Variants in SAMHD1 observed in about 807,000 individuals in gnomAD.
The protein encoded by SAMHD1 is deoxynucleoside triphosphate triphosphohydrolase SAMHD1.
A neutral mutation model predicts 79.6 loss-of-function variants in SAMHD1; 54 were observed. That is an observed-to-expected ratio of 0.68 (90% CI 0.55 to 0.85). SAMHD1 has a LOEUF of 0.85. Ranked by LOEUF, SAMHD1 falls within the 40% of genes least tolerant of loss-of-function variation. The pLI is 0.00. For missense variants in SAMHD1, 663 were observed against 782.7 expected, an observed-to-expected ratio of 0.85 and a Z score of 1.82; for synonymous variants, 260 against 264.1, an observed-to-expected ratio of 0.98 and a Z score of 0.15.
chr20:36,935,089 A>C lies in SAMHD1; in HGVS notation c.449T>G (p.Leu150Arg). The C allele has an allele frequency of 6.2e-7, 1 of 1,614,128 alleles. No homozygotes were observed. The highest frequency in any genetic ancestry group is 8.5e-7 in the Non-Finnish European group (1 of 1,180,002). The stretch of plus-strand genomic sequence containing the variant: ...TGGAAAAACATAGTAACCACCTCCC[A>C]GCTGTTTGATGTATCGAAGACGTTG... The part of the protein sequence containing the change: ...QFQRLRYIKQ[L>R]GGGYYVFPGA... The change falls in exon 4 of 16, where the codon CTG becomes CGG. Residue 150 changes from leucine (L) to arginine (R), a missense_variant. Leu to Arg is a moderately radical substitution (Grantham distance 102, BLOSUM62 -2). Coordinates refer to ENST00000646673, the MANE Select transcript of SAMHD1 (RefSeq NM_015474.4).
chr20:36,905,357 A>T lies in SAMHD1; in HGVS notation c.1410+7T>A. ...TTTCACTAATGGAAAGATGCCTGAT[A>T]ACTCACCCTTTTAATCTTTATTTGT... On this transcript the variant is annotated splice_region_variant and intron_variant, in intron 12 of 15. Transcript: ENST00000646673. The T allele has an allele frequency of 6.2e-7, 1 of 1,614,028 alleles. No homozygotes were observed. Among genetic ancestry groups the T allele is most frequent in the South Asian group, 1.1e-5 (1 of 91,082 alleles).
At chr20:36,899,359 C>T (rs898297192) in intron 13 of SAMHD1, among the ~76,000 whole-genome samples, 1 of 151,336 alleles carries the variant, frequency 6.6e-6, no homozygotes, top group Admixed American at 6.6e-5. Flanking sequence ...ACCTGGCAGG[C>T]GGAGGTTGCA....
At chr20:36,911,506 A>C in intron 10 of SAMHD1, 173 bp from the exon 11 acceptor site, 1 of 611,036 alleles carries the variant, frequency 1.6e-6, no homozygotes, top group Admixed American at 2.5e-5. Context: ...GTGAGCTGCC[A>C]TGCTTACTGT....
At chr20:36,903,540 T>TCC (rs1298093437) in intron 13 of SAMHD1, among the ~76,000 whole-genome samples, 1 of 122,034 alleles carries the variant, frequency 8.2e-6, no homozygotes, top group Non-Finnish European at 1.7e-5. Flanking sequence ...TGCCCAGCAA[T>TCC]TTTTTTTTTC....
intron 11 of SAMHD1, among the ~76,000 whole-genome samples, chr20:36,910,452 G>A (rs1267378983): frequency 6.6e-6 from 1 of 151,688 alleles, no homozygotes; most frequent in East Asian, 1.9e-4. Context: ...ATAATGGGCC[G>A]GGCGTAGTGG....
chr20:36,936,406 A>G (rs1464499137), intron 3 of SAMHD1, among the ~76,000 whole-genome samples: 6 of 152,012 alleles, frequency 3.9e-5, no homozygotes, highest in Non-Finnish European at 8.8e-5. Flanking sequence ...CTGTAGCCTC[A>G]AACTCCTAGG....
At chr20:36,939,130 T>C (rs1215766113) in intron 3 of SAMHD1, among the ~76,000 whole-genome samples, 7 of 134,466 alleles carry the variant, frequency 5.2e-5, no homozygotes, top group African/African-American at 1.4e-4. Flanking sequence ...GGCAGGTGCC[T>C]GTAATCCCAG....
intron 5 of SAMHD1, among the ~76,000 whole-genome samples, chr20:36,927,983 C>CTTGTT (rs2146128661): frequency 1.3e-5 from 2 of 152,322 alleles, no homozygotes; most frequent in African/African-American, 4.8e-5. Flanking sequence ...TGCACCACCA[C>CTTGTT]ACAGGGCTTG....
chr20:36,932,580 G>T (rs2063575242), intron 4 of SAMHD1, among the ~76,000 whole-genome samples: 1 of 150,678 alleles, frequency 6.6e-6, no homozygotes, highest in Non-Finnish European at 1.5e-5. Context: ...ACCATGCCCG[G>T]CTGGTTTTGT....
chr20:36,891,118 C>T lies in SAMHD1; in HGVS notation c.*1814G>A, dbSNP rs910888042. ...GACCTCACTTGTGCGTTGCTGAGCC[C>T]ATATGTGAACAAATCCCCTTGATAC... is the stretch of plus-strand genomic sequence containing the variant. On this transcript the variant is annotated 3_prime_UTR_variant, in exon 16 of 16. Transcript: ENST00000646673. 6.6e-6 allele frequency: 1 copy of T among 152,188 alleles called. No individual in the cohort carries two copies. The highest frequency in any genetic ancestry group is 1.9e-4 in the East Asian group (1 of 5,198). The allele number at this position is 152,188 out of a possible 1,614,324, so 9.4% of individuals were successfully genotyped here. A position where few individuals can be genotyped will look rare whatever the true frequency, so the allele number is the denominator to read the frequency against.
chr20:36,946,790 C>T lies in SAMHD1; in HGVS notation c.223G>A (p.Gly75Ser). 5.0e-6 allele frequency: 8 copies of T among 1,612,562 alleles called. No homozygotes were observed. Among genetic ancestry groups the T allele is most frequent in the Non-Finnish European group, 6.8e-6 (8 of 1,178,954 alleles). ...LKNIRENEIT[G>S]ALLPCLDESR... ...TCATCAAGACAAGGCAGTAATGCGC[C>T]TGTGATTTCATTTTCTATGGAAGAA... is the stretch of plus-strand genomic sequence containing the variant. Residue 75 changes from glycine to serine, a missense_variant, in exon 2 of 16, where the codon GGC becomes AGC. Gly to Ser is a moderately conservative substitution (Grantham distance 56). Coordinates refer to ENST00000646673, the MANE Select transcript of SAMHD1 (RefSeq NM_015474.4).
chr20:36,925,635 C>T (rs1256541375), intron 6 of SAMHD1, among the ~76,000 whole-genome samples: 10 of 152,204 alleles, frequency 6.6e-5, no homozygotes, highest in Admixed American at 6.5e-4. Flanking sequence ...AGAATTCCTA[C>T]AACTCAGTAA....
intron 15 of SAMHD1, among the ~76,000 whole-genome samples, chr20:36,895,645 T>C (rs574120787): frequency 6.6e-6 from 1 of 152,068 alleles, no homozygotes; most frequent in South Asian, 2.1e-4. Context: ...ACCAAATTTA[T>C]AGTAGTTATC....
intron 1 of SAMHD1, among the ~76,000 whole-genome samples, chr20:36,948,308 A>G (rs1474407442): frequency 6.6e-6 from 1 of 151,864 alleles, no homozygotes; most frequent in African/African-American, 2.4e-5. Flanking sequence ...GCTGGAGTGC[A>G]GTGGCGGGAT....
chr20:36,951,349 T>G, intron 1 of SAMHD1, 87 bp downstream of exon 1: 1 of 1,579,148 alleles, frequency 6.3e-7, no homozygotes, highest in South Asian at 1.1e-5. Flanking sequence ...TCGGCCTCGG[T>G]CCTCTCGTGG....
chr20:36,892,633 A>G lies in SAMHD1; in HGVS notation c.*299T>C, dbSNP rs1990104192. The G allele has an allele frequency of 1.0e-5, 4 of 395,396 alleles. No homozygotes were observed. In the East Asian group the frequency reaches 2.3e-4, roughly 23 times the overall value. The allele number at this position is 395,396 out of a possible 1,614,324, so 24.5% of individuals were successfully genotyped here. A position where few individuals can be genotyped will look rare whatever the true frequency, so the allele number is the denominator to read the frequency against. On this transcript the variant is annotated 3_prime_UTR_variant, in exon 16 of 16. Transcript: ENST00000646673. The stretch of plus-strand genomic sequence containing the variant: ...CAGAGCAAAACCTTGTCTCTTAAAA[A>G]AGAAAAAAAATAGAGTTCAGAATAG...
In SAMHD1 at chr20:36,910,957, C is replaced by T. The variant is rs188875599; in HGVS notation, c.1270+261G>A. ...CAAAAGGAGATAATTACTTGGGAAG[C>T]TAAAATCGTTCCATCGGCTGTGTAC... On this transcript the variant is annotated intron_variant, in intron 11 of 15. Coordinates refer to ENST00000646673, the MANE Select transcript of SAMHD1 (RefSeq NM_015474.4). Among the ~76,000 whole-genome samples the T allele has an allele frequency of 2.6e-5, 4 of 152,096 alleles. No homozygotes were observed. In the East Asian group the frequency reaches 5.8e-4, roughly 22 times the overall value.
chr20:36,945,674 G>C (rs1203450853), intron 2 of SAMHD1, among the ~76,000 whole-genome samples: 2 of 151,332 alleles, frequency 1.3e-5, no homozygotes, highest in Admixed American at 1.3e-4. Context: ...GCCCACCTTA[G>C]GTCAGAACTC....
At chr20:36,950,412 C>G (rs1329510059) in intron 1 of SAMHD1, among the ~76,000 whole-genome samples, 1 of 152,074 alleles carries the variant, frequency 6.6e-6, no homozygotes, top group Non-Finnish European at 1.5e-5. Flanking sequence ...TCCTCCTACC[C>G]CAGTTTCCAA....
Sources: gnomAD v4.1 joint callset for allele counts (sites outside exome capture counted in the v4.1 genomes callset) on GRCh38, gnomAD v4.1.1 for gene constraint, MANE v1.5 for transcripts, NCBI Gene and HGNC (gene_info 2026-07-23, HGNC 2026-07-21) for gene names.